Variants in GPHN observed in about 807,000 individuals in gnomAD.
GPHN encodes gephyrin.
In GPHN, 17 loss-of-function variants were observed where a neutral mutation model predicts 95.5. That is an observed-to-expected ratio of 0.18 (90% CI 0.12 to 0.27). The LOEUF is 0.27. Among genes scored for constraint, GPHN ranks in the 10% least tolerant of loss-of-function variants. The pLI is 1.00. For synonymous variants in GPHN, 320 were observed against 322.5 expected, an observed-to-expected ratio of 0.99 and a Z score of 0.08; for missense variants, 660 against 978.1, an observed-to-expected ratio of 0.67 and a Z score of 4.34.
chr14:66,758,625 C>T (rs923327438), intron 2 of GPHN, among the ~76,000 whole-genome samples: 1 of 152,122 alleles, frequency 6.6e-6, no homozygotes, highest in Non-Finnish European at 1.5e-5. Context: ...CTGAGGCTGC[C>T]ACCATGCCAG....
the GPHN span, among the ~76,000 whole-genome samples, chr14:67,630,872 C>T: frequency 5.3e-5 from 8 of 152,214 alleles, no homozygotes; most frequent in African/African-American, 1.4e-4. Context: ...TGTGAGCCAC[C>T]GTGCCCCGCC....
At chr14:66,640,358 G>T (rs1222577548) in intron 1 of GPHN, among the ~76,000 whole-genome samples, 1 of 152,126 alleles carries the variant, frequency 6.6e-6, no homozygotes, top group Non-Finnish European at 1.5e-5. Context: ...GGAGGCAAAG[G>T]TTGCAGTGAG....
chr14:66,530,669 T>TCCTTACAGCACAGTC (rs1386056673), intron 1 of GPHN, among the ~76,000 whole-genome samples: 1 of 152,086 alleles, frequency 6.6e-6, no homozygotes, highest in East Asian at 1.9e-4. Flanking sequence ...AGTGCACAGT[T>TCCTTACAGCACAGTC]CCTTACAGCA....
the GPHN span, among the ~76,000 whole-genome samples, chr14:67,361,641 C>T: frequency 2.0e-5 from 3 of 152,198 alleles, no homozygotes; most frequent in Non-Finnish European, 4.4e-5. Context: ...GAAGTCCTAC[C>T]TACCATTTGT....
intron 1 of GPHN, among the ~76,000 whole-genome samples, chr14:66,629,787 C>T (rs1345059424): frequency 1.3e-5 from 2 of 152,222 alleles, no homozygotes; most frequent in East Asian, 3.9e-4. Flanking sequence ...TATGGACTCA[C>T]CATCATATAT....
chr14:67,453,459 C>G, the GPHN span, among the ~76,000 whole-genome samples: 1 of 152,208 alleles, frequency 6.6e-6, no homozygotes, highest in Non-Finnish European at 1.5e-5. Context: ...CTCAGGTACC[C>G]GGGATGCTGA....
chr14:67,658,365 C>T, the GPHN span, among the ~76,000 whole-genome samples: 11 of 151,980 alleles, frequency 7.2e-5, no homozygotes, highest in South Asian at 4.1e-4. Flanking sequence ...GAGGCCGAGA[C>T]GGGTGGATCA....
chr14:66,608,138 C>T (rs1263245429), intron 1 of GPHN, among the ~76,000 whole-genome samples: 1 of 150,324 alleles, frequency 6.7e-6, no homozygotes, highest in African/African-American at 2.4e-5. Flanking sequence ...GTAAACTTTC[C>T]TCTTAACATG....
chr14:67,668,626 T>TA, the GPHN span, among the ~76,000 whole-genome samples: 2 of 115,280 alleles, frequency 1.7e-5, no homozygotes, highest in Non-Finnish European at 4.7e-5. Flanking sequence ...ACCTAGTCTG[T>TA]GCTAGGCACT....
At chr14:67,366,658 A>C in the GPHN span, among the ~76,000 whole-genome samples, 10 of 152,220 alleles carry the variant, frequency 6.6e-5, no homozygotes, top group Non-Finnish European at 1.5e-4. Context: ...AGCAAAGTGC[A>C]AAAGAGCCTG....
At chr14:67,678,030 G>A in the GPHN span, 12 of 237,386 alleles carry the variant, frequency 5.1e-5, no homozygotes, top group Non-Finnish European at 8.3e-5. Flanking sequence ...CTAGGTAGTA[G>A]TTTCTTTCAG....
intron 16 of GPHN, among the ~76,000 whole-genome samples, chr14:67,121,021 C>T (rs1274912520): frequency 6.6e-6 from 1 of 152,118 alleles, no homozygotes; most frequent in Non-Finnish European, 1.5e-5. Context: ...AAGATTAGGA[C>T]TTGTGGTTAT....
At chr14:67,223,698 T>C in the GPHN span, 4 of 966,628 alleles carry the variant, frequency 4.1e-6, no homozygotes, top group Non-Finnish European at 4.9e-6. Context: ...TCTTATGTAT[T>C]TCTTATTTCT....
At chr14:67,641,795 A>C in the GPHN span, among the ~76,000 whole-genome samples, 1 of 152,072 alleles carries the variant, frequency 6.6e-6, no homozygotes, top group Non-Finnish European at 1.5e-5. Context: ...AGTTTAAAAA[A>C]ATGAGACTCT....
chr14:67,562,424 C>G, the GPHN span: 3 of 1,613,640 alleles, frequency 1.9e-6, no homozygotes, highest in Non-Finnish European at 2.5e-6. Context: ...AGAGAGCCCT[C>G]CCCACCAGCC....
intron 1 of GPHN, among the ~76,000 whole-genome samples, chr14:66,554,563 C>G (rs781018776): frequency 2.0e-5 from 3 of 152,164 alleles, no homozygotes; most frequent in Non-Finnish European, 4.4e-5. Flanking sequence ...ATAAAACCAT[C>G]AGATCTCATA....
chr14:67,612,270 C>T, the GPHN span, among the ~76,000 whole-genome samples: 1 of 152,076 alleles, frequency 6.6e-6, no homozygotes, highest in East Asian at 1.9e-4. Flanking sequence ...CTCCCAGAGC[C>T]ATAGGAAGCT....
the GPHN span, among the ~76,000 whole-genome samples, chr14:67,205,311 A>G: frequency 6.6e-6 from 1 of 152,204 alleles, no homozygotes; most frequent in African/African-American, 2.4e-5. Context: ...CATAAATCTT[A>G]GCCCAGCATC....
In GPHN at chr14:66,709,248, A is replaced by G. The variant is rs139712895; in HGVS notation, c.143+28063A>G. The G allele has an allele frequency of 1.8e-4, 68 of 386,970 alleles. No homozygotes were observed. In the East Asian group the frequency reaches 4.0e-3, roughly 23 times the overall value. 24.0% of individuals were successfully genotyped at this position (386,970 alleles called of 1,614,324 possible). The stretch of plus-strand genomic sequence containing the variant: ...AAACAACCATTCTTTTAAACATAAA[A>G]TAGCACTATTAAACAGGATTAGAAC... On this transcript the variant is annotated intron_variant, in intron 2 of 22. Transcript: ENST00000478722.
Sources: allele counts gnomAD v4.1 joint callset (sites outside exome capture counted in the v4.1 genomes callset), GRCh38; gene constraint gnomAD v4.1.1; transcripts MANE v1.5; gene names NCBI Gene and HGNC (gene_info 2026-07-23, HGNC 2026-07-21).